CYFIP2: variants seen among roughly 807,000 people sequenced by gnomAD.
CYFIP2 encodes cytoplasmic FMR1-interacting protein 2.
In CYFIP2, 29 loss-of-function variants were observed where a neutral mutation model predicts 158.7. The observed-to-expected ratio is 0.18, with a 90% CI of 0.14 to 0.25. The LOEUF is 0.25. CYFIP2 is among the 10% of genes least tolerant of loss of function. The pLI is 1.00. For missense variants in CYFIP2, 852 were observed against 1,639.5 expected, an observed-to-expected ratio of 0.52 and a Z score of 8.29; for synonymous variants, 585 against 617.6, an observed-to-expected ratio of 0.95 and a Z score of 0.78.
chr5:157,297,293 G>A (rs1580999588), intron 5 of CYFIP2, among the ~76,000 whole-genome samples: 1 of 152,242 alleles, frequency 6.6e-6, no homozygotes, highest in African/African-American at 2.4e-5. Context: ...AAATGGGAAG[G>A]TGGGGTGTGG....
chr5:157,320,833 T>C, intron 15 of CYFIP2, 31 bp downstream of exon 15: 1 of 1,518,054 alleles, frequency 6.6e-7, no homozygotes, highest in Non-Finnish European at 8.8e-7. Context: ...GCCAGCTGCG[T>C]TGACTCAGAG....
chr5:157,333,032 CA>C (rs551515171), intron 20 of CYFIP2, among the ~76,000 whole-genome samples: 10 of 152,124 alleles, frequency 6.6e-5, no homozygotes, highest in Non-Finnish European at 1.3e-4. Flanking sequence ...AGGAGGGAAA[CA>C]GGGACTCTCA....
chr5:157,285,611 G>T, intron 2 of CYFIP2, 133 bp downstream of exon 2: 1 of 732,622 alleles, frequency 1.4e-6, no homozygotes, highest in Non-Finnish European at 2.2e-6. Context: ...GGAGTCCCTT[G>T]TGCGCTGGTA....
intron 8 of CYFIP2, among the ~76,000 whole-genome samples, chr5:157,305,021 CCTG>C (rs145841748): frequency 0.019 from 2,959 of 152,246 alleles, 99 homozygotes; most frequent in African/African-American, 0.069. Context: ...GTTTTTCATT[CCTG>C]CTGTTACTTA....
Position 157,360,370 on chromosome 5 carries a change from C to T in CYFIP2, c.2906C>T (p.Pro969Leu). 1 of 1,613,118 alleles carries T rather than the reference C, an allele frequency of 6.2e-7. No homozygotes were observed. Among genetic ancestry groups the T allele is most frequent in the Non-Finnish European group, 8.5e-7 (1 of 1,179,386 alleles). ...TTGCCCCGACATGAGTATGGCTCCC[C>T]AGGTTGGTGATAGCAAAACAATCCA... The part of the protein sequence containing the change: ...CRLPRHEYGS[P>L]GILEFFHHQL... Residue 969 changes from proline to leucine, a missense_variant and splice_region_variant, in exon 25 of 31, where the codon CCA (proline) becomes CTA (leucine). Pro to Leu is a moderately conservative substitution (Grantham distance 98). Transcript: ENST00000620254.
At chr5:157,371,583 T>C (rs1003500086) in intron 26 of CYFIP2, among the ~76,000 whole-genome samples, 1 of 152,196 alleles carries the variant, frequency 6.6e-6, no homozygotes, top group Admixed American at 6.5e-5. Flanking sequence ...ATCTTTATGG[T>C]AGCCTGTAGC....
At position 157,292,492 on chromosome 5, in the gene CYFIP2, TAC is replaced by T. The variant is rs1300995160; in HGVS notation, c.208-2289_208-2288del. Among the ~76,000 whole-genome samples the T allele has an allele frequency of 2.0e-5, 3 of 152,334 alleles. No individual in the cohort carries two copies. The East Asian group carries it at 5.8e-4, about 29-fold the overall frequency. Reference sequence around the variant, plus strand: ...CCTCGGCCTCCCAAAGTGCTGGGATTACAGACGTGAGCCACCGCGCCTGGCCA... The same window carrying T: ...CCTCGGCCTCCCAAAGTGCTGGGATTAGACGTGAGCCACCGCGCCTGGCCA... On this transcript the variant is annotated intron_variant, in intron 3 of 30. Transcript: ENST00000620254.
At chr5:157,352,149 GCATT>G (rs1337889714) in intron 23 of CYFIP2, among the ~76,000 whole-genome samples, 1 of 152,174 alleles carries the variant, frequency 6.6e-6, no homozygotes, top group Non-Finnish European at 1.5e-5. Context: ...GCGGCATAAA[GCATT>G]CATTCAATTA....
intron 28 of CYFIP2, 46 bp from the exon 29 acceptor site, chr5:157,389,143 G>C: frequency 6.6e-7 from 1 of 1,526,700 alleles, no homozygotes. Context: ...GTGGCAGATG[G>C]GCTCTAAGAT....
chr5:157,390,943 C>G (rs1468463647), intron 30 of CYFIP2, among the ~76,000 whole-genome samples: 1 of 152,138 alleles, frequency 6.6e-6, no homozygotes, highest in East Asian at 1.9e-4. Context: ...TCTGCTGATG[C>G]CAGTTTCTCA....
chr5:157,323,119 C>T, intron 15 of CYFIP2: 1 of 1,103,572 alleles, frequency 9.1e-7, no homozygotes, highest in East Asian at 2.6e-5. Context: ...CTAAGATTCA[C>T]AGACAAATGA....
intron 26 of CYFIP2, among the ~76,000 whole-genome samples, chr5:157,374,113 G>C (rs998786346): frequency 6.6e-6 from 1 of 152,146 alleles, no homozygotes; most frequent in Non-Finnish European, 1.5e-5. Context: ...TTTGTAGTTT[G>C]AATGCCACTG....
At chr5:157,274,226 C>G (rs1756358305) in intron 1 of CYFIP2, among the ~76,000 whole-genome samples, 1 of 152,172 alleles carries the variant, frequency 6.6e-6, no homozygotes. Context: ...TTTTAGCACC[C>G]CAAAAAGAAA....
intron 30 of CYFIP2, among the ~76,000 whole-genome samples, chr5:157,390,942 G>A (rs1217274483): frequency 6.6e-6 from 1 of 152,178 alleles, no homozygotes; most frequent in East Asian, 1.9e-4. Context: ...CTCTGCTGAT[G>A]CCAGTTTCTC....
At chr5:157,333,096 A>C (rs1255052059) in intron 20 of CYFIP2, among the ~76,000 whole-genome samples, 1 of 152,218 alleles carries the variant, frequency 6.6e-6, no homozygotes, top group African/African-American at 2.4e-5. Context: ...TTGGAATCCC[A>C]GGTTCCACAC....
At chr5:157,268,133 T>C (rs1195059022) in intron 1 of CYFIP2, among the ~76,000 whole-genome samples, 5 of 152,258 alleles carry the variant, frequency 3.3e-5, no homozygotes, top group Admixed American at 6.5e-5. Flanking sequence ...ACAAAGTCAG[T>C]GCCTCTAGCT....
chr5:157,287,269 CCT>C (rs1241515889), intron 3 of CYFIP2, among the ~76,000 whole-genome samples, 161 bp downstream of exon 3: 1 of 152,208 alleles, frequency 6.6e-6, no homozygotes, highest in Admixed American at 6.5e-5. Context: ...TGCGCCATCC[CCT>C]GTCGGTGCCT....
At chr5:157,364,201 T>TGGGGGGGGGG in intron 26 of CYFIP2, 1 of 15,108 alleles carries the variant, frequency 6.6e-5, no homozygotes, top group Non-Finnish European at 2.1e-4. Flanking sequence ...TGGGGCGGGG[T>TGGGGGGGGGG]GGCGGGGGGG....
Position 157,389,209 on chromosome 5 carries a change from G to A in CYFIP2, c.3228G>A (p.Glu1076=). 6.2e-7 allele frequency: 1 copy of A among 1,612,552 alleles called. No individual in the cohort carries two copies. Among genetic ancestry groups the A allele is most frequent in the Non-Finnish European group, 8.5e-7 (1 of 1,178,848 alleles). ...GTPQQIAIAR[E]GDLLTKERLC... is the part of the protein sequence containing the mutation. Reference sequence around the variant, plus strand: ...TCCAGCAAATCGCCATTGCTCGCGAGGGTGACCTCCTGACCAAGGAGCGGC... The same window carrying A: ...TCCAGCAAATCGCCATTGCTCGCGAAGGTGACCTCCTGACCAAGGAGCGGC... Residue 1076 remains glutamate (E), a synonymous_variant, in exon 29 of 31, where the codon GAG becomes GAA. Coordinates refer to ENST00000620254, the MANE Select transcript of CYFIP2 (RefSeq NM_001037333.3).
Sources: gnomAD v4.1 joint callset for allele counts (sites outside exome capture counted in the v4.1 genomes callset) on GRCh38, gnomAD v4.1.1 for gene constraint, MANE v1.5 for transcripts, NCBI Gene and HGNC (gene_info 2026-07-23, HGNC 2026-07-21) for gene names.